The following SLC22A2 variants were observed in gnomAD, a reference collection of about 807,000 sequenced individuals.
SLC22A2 encodes organic cation transporter 2.
In SLC22A2, 46 loss-of-function variants were observed where a neutral mutation model predicts 60.5. The observed-to-expected ratio is 0.76, with a 90% confidence interval of 0.60 to 0.97. SLC22A2 has a LOEUF of 0.97. Ranked by LOEUF, SLC22A2 falls within the 50% of genes least tolerant of loss-of-function variation. SLC22A2 has a pLI of 0.00. For missense variants in SLC22A2, 701 were observed against 706.6 expected, an observed-to-expected ratio of 0.99 and a Z score of 0.09; for synonymous variants, 303 against 267.0, an observed-to-expected ratio of 1.13 and a Z score of -1.31.
At chr6:160,254,210 A>G (rs1235598563) in intron 2 of SLC22A2, among the ~76,000 whole-genome samples, 1 of 152,160 alleles carries the variant, frequency 6.6e-6, no homozygotes, top group Non-Finnish European at 1.5e-5. Context: ...CCCAGGAGGC[A>G]GAGGCTGCAG....
rs199637280 is a variant in SLC22A2, at chr6:160,224,803, G to A, written c.1503C>T (p.Gly501=). The stretch of plus-strand genomic sequence containing the variant: ...GACCTCCAGCAACCAAGCCAAGCAC[G>A]CCTGAAAGCCAAACAGATGAATATC... ...IWLELPLMVF[G]VLGLVAGGLV... is the part of the protein sequence containing the mutation. Residue 501 remains glycine (G), a splice_region_variant and synonymous_variant, in exon 10 of 11, where the codon GGC becomes GGT. Transcript: ENST00000366953. The A allele has an allele frequency of 1.4e-5, 22 of 1,554,988 alleles. No individual in the cohort carries two copies. In the East Asian group the frequency reaches 1.6e-4, roughly 11 times the overall value.
chr6:160,224,869 TCCC>T, intron 9 of SLC22A2, 65 bp from the exon 10 acceptor site: 1 of 962,026 alleles, frequency 1.0e-6, no homozygotes. Context: ...AATTAGAGTT[TCCC>T]TTATTTTTGT....
At chr6:160,231,385 C>T (rs1355556374) in intron 9 of SLC22A2, among the ~76,000 whole-genome samples, 1 of 151,684 alleles carries the variant, frequency 6.6e-6, no homozygotes, top group Admixed American at 6.6e-5. Flanking sequence ...CAACCTTAAC[C>T]CACAAATATG....
chr6:160,245,210 CA>C (rs1783070100), intron 6 of SLC22A2: 1 of 305,338 alleles, frequency 3.3e-6, no homozygotes, highest in African/African-American at 2.2e-5. Flanking sequence ...CAGGTGATTC[CA>C]ATGTGAAGCC....
chr6:160,219,458 C>T (rs544095804), intron 10 of SLC22A2, among the ~76,000 whole-genome samples: 15 of 144,920 alleles, frequency 1.0e-4, no homozygotes, highest in South Asian at 2.4e-4. Flanking sequence ...GGTGCTTCGT[C>T]GCACTGTCCC....
intron 10 of SLC22A2, among the ~76,000 whole-genome samples, chr6:160,220,451 T>G (rs1044170744): frequency 6.6e-6 from 1 of 152,216 alleles, no homozygotes; most frequent in Non-Finnish European, 1.5e-5. Flanking sequence ...GTAATCAACT[T>G]CTTCAAAACT....
At position 160,224,811 on chromosome 6, in the gene SLC22A2, G is replaced by A; in HGVS notation, c.1502-7C>T. On this transcript the variant is annotated splice_polypyrimidine_tract_variant and splice_region_variant and intron_variant, in intron 9 of 10. Coordinates refer to ENST00000366953, the MANE Select transcript of SLC22A2 (RefSeq NM_003058.4). Reference sequence around the variant, plus strand: ...GCAACCAAGCCAAGCACGCCTGAAAGCCAAACAGATGAATATCACATTAAG... The same window carrying A: ...GCAACCAAGCCAAGCACGCCTGAAAACCAAACAGATGAATATCACATTAAG... The A allele has an allele frequency of 6.6e-7, 1 of 1,520,290 alleles. No homozygotes were observed. 94.2% of individuals were successfully genotyped at this position (1,520,290 alleles called of 1,614,324 possible).
chr6:160,219,484 C>A (rs1782610693), intron 10 of SLC22A2, among the ~76,000 whole-genome samples: 1 of 148,240 alleles, frequency 6.7e-6, no homozygotes. Flanking sequence ...TGAGCCCAAC[C>A]CTCTGATGGT....
chr6:160,250,446 T>C, intron 3 of SLC22A2, 102 bp downstream of exon 3: 1 of 1,053,172 alleles, frequency 9.5e-7, no homozygotes, highest in African/African-American at 1.6e-5. Flanking sequence ...CTCAATATTG[T>C]CTTGAAGCTG....
intron 4 of SLC22A2, among the ~76,000 whole-genome samples, 190 bp downstream of exon 4, chr6:160,249,026 T>C (rs1161261770): frequency 2.6e-5 from 4 of 152,162 alleles, no homozygotes; most frequent in Non-Finnish European, 4.4e-5. Context: ...GAAAGGACAT[T>C]TGATTTACAG....
At chr6:160,257,014 C>T (rs1783286054) in intron 1 of SLC22A2, among the ~76,000 whole-genome samples, 1 of 151,910 alleles carries the variant, frequency 6.6e-6, no homozygotes, top group Non-Finnish European at 1.5e-5. Flanking sequence ...GATCCTCACA[C>T]CTCAGCCTCC....
chr6:160,229,478 C>T (rs1186945284), intron 9 of SLC22A2, among the ~76,000 whole-genome samples: 3 of 151,860 alleles, frequency 2.0e-5, no homozygotes, highest in Admixed American at 6.5e-5. Context: ...GTCATTCACC[C>T]ACATTCCTTG....
intron 8 of SLC22A2, 115 bp from the exon 9 acceptor site, chr6:160,241,701 G>C (rs1247074230): frequency 1.5e-6 from 1 of 667,394 alleles, no homozygotes; most frequent in African/African-American, 1.8e-5. Flanking sequence ...GAGCTATAGT[G>C]TACACTGCTC....
chr6:160,223,212 A>G (rs943038531), intron 10 of SLC22A2, among the ~76,000 whole-genome samples: 1 of 152,246 alleles, frequency 6.6e-6, no homozygotes, highest in African/African-American at 2.4e-5. Context: ...AGTGTCAGAT[A>G]GGTTTGTCTT....
chr6:160,240,375 T>C (rs1782980046), intron 9 of SLC22A2, among the ~76,000 whole-genome samples: 1 of 152,212 alleles, frequency 6.6e-6, no homozygotes, highest in African/African-American at 2.4e-5. Flanking sequence ...TGACTGATCT[T>C]GTCTTTATTC....
intron 9 of SLC22A2, among the ~76,000 whole-genome samples, chr6:160,237,342 T>C (rs1782926116): frequency 1.3e-5 from 2 of 152,204 alleles, no homozygotes; most frequent in Non-Finnish European, 2.9e-5. Context: ...TTTTCTTTAC[T>C]GTTGTGGAAC....
intron 1 of SLC22A2, chr6:160,257,897 T>A (rs1783299757): frequency 6.4e-6 from 1 of 156,468 alleles, no homozygotes; most frequent in Non-Finnish European, 1.4e-5. Flanking sequence ...AGAGAAAAAA[T>A]AGGTATCGAG....
At chr6:160,228,417 C>T (rs1441529898) in intron 9 of SLC22A2, among the ~76,000 whole-genome samples, 1 of 152,120 alleles carries the variant, frequency 6.6e-6, no homozygotes, top group Non-Finnish European at 1.5e-5. Flanking sequence ...TAATAAAAGG[C>T]AAAGACACTT....
At chr6:160,218,918 G>T (rs1260187479) in intron 10 of SLC22A2, among the ~76,000 whole-genome samples, 2 of 424 alleles carry the variant, frequency 4.7e-3, no homozygotes, top group African/African-American at 0.024. Context: ...AATAACAGCA[G>T]CAGCAGCAAC....
Sources: gnomAD v4.1 joint callset for allele counts (sites outside exome capture counted in the v4.1 genomes callset) on GRCh38, gnomAD v4.1.1 for gene constraint, MANE v1.5 for transcripts, NCBI Gene and HGNC (gene_info 2026-07-23, HGNC 2026-07-21) for gene names.